KLF12: variants seen among roughly 807,000 people sequenced by gnomAD.
KLF12 encodes the protein Krueppel-like factor 12.
A neutral mutation model predicts 37.8 loss-of-function variants in KLF12; 9 were observed. The observed-to-expected ratio is 0.24, with a 90% CI of 0.14 to 0.42. The LOEUF is 0.42. KLF12 is among the 10% of genes least tolerant of loss of function. The pLI is 1.00. For synonymous variants in KLF12, 208 were observed against 202.1 expected, an observed-to-expected ratio of 1.03 and a Z score of -0.25; for missense variants, 411 against 516.0, an observed-to-expected ratio of 0.80 and a Z score of 1.97.
At chr13:74,241,365 T>C in the KLF12 span, among the ~76,000 whole-genome samples, 5 of 152,284 alleles carry the variant, frequency 3.3e-5, no homozygotes, top group Middle Eastern at 3.4e-3. Flanking sequence ...GACAGGGACA[T>C]TTAAGTCTGC....
At chr13:73,801,410 T>C (rs1038088188) in intron 5 of KLF12, 9 of 152,140 alleles carry the variant, frequency 5.9e-5, no homozygotes, top group African/African-American at 1.7e-4. Flanking sequence ...TCACTGGCTA[T>C]ATTAATAAAT....
At chr13:73,965,154 T>C (rs112585890) in intron 2 of KLF12, among the ~76,000 whole-genome samples, 255 of 152,024 alleles carry the variant, frequency 1.7e-3, no homozygotes, top group African/African-American at 5.4e-3. Context: ...TAGGATCCAA[T>C]GCCCTCAACA....
chr13:74,223,781 C>A, the KLF12 span, among the ~76,000 whole-genome samples: 1 of 152,154 alleles, frequency 6.6e-6, no homozygotes, highest in Non-Finnish European at 1.5e-5. Flanking sequence ...GCTGCTGGCT[C>A]TGCTGTAATG....
At chr13:74,171,610 A>G in the KLF12 span, among the ~76,000 whole-genome samples, 2 of 152,198 alleles carry the variant, frequency 1.3e-5, no homozygotes, top group Non-Finnish European at 2.9e-5. Flanking sequence ...TAAAAAGTCA[A>G]TGTATTATTT....
At chr13:74,052,245 G>C (rs1221585909) in intron 1 of KLF12, among the ~76,000 whole-genome samples, 1 of 152,020 alleles carries the variant, frequency 6.6e-6, no homozygotes, top group Non-Finnish European at 1.5e-5. Context: ...AGCTCCATGT[G>C]CCCATCATTT....
chr13:74,073,380 T>C (rs142193349), intron 1 of KLF12, among the ~76,000 whole-genome samples: 72 of 152,344 alleles, frequency 4.7e-4, no homozygotes, highest in African/African-American at 1.7e-3. Flanking sequence ...TGTTGACCTT[T>C]GTACTTCCGT....
chr13:73,916,393 G>A (rs1192474195), intron 3 of KLF12, among the ~76,000 whole-genome samples: 1 of 152,116 alleles, frequency 6.6e-6, no homozygotes, highest in Non-Finnish European at 1.5e-5. Flanking sequence ...AAGAACCAGA[G>A]CTATCAAACA....
At chr13:73,816,251 G>A (rs1486304568) in intron 4 of KLF12, among the ~76,000 whole-genome samples, 1 of 152,134 alleles carries the variant, frequency 6.6e-6, no homozygotes, top group East Asian at 1.9e-4. Context: ...GCCCATTTAG[G>A]AAGGACTGAT....
chr13:74,051,012 C>T (rs889731335), intron 1 of KLF12, among the ~76,000 whole-genome samples: 2 of 152,078 alleles, frequency 1.3e-5, no homozygotes, highest in East Asian at 1.9e-4. Flanking sequence ...GTTAGAATGG[C>T]CATTATCAAA....
intron 7 of KLF12, among the ~76,000 whole-genome samples, chr13:73,701,438 T>A (rs1874546424): frequency 6.6e-6 from 1 of 152,236 alleles, no homozygotes; most frequent in African/African-American, 2.4e-5. Flanking sequence ...TTGCTTCTTT[T>A]GTCTAACTCA....
intron 4 of KLF12, among the ~76,000 whole-genome samples, chr13:73,824,981 A>G (rs912714212): frequency 9.2e-5 from 14 of 152,044 alleles, no homozygotes; most frequent in Non-Finnish European, 1.9e-4. Flanking sequence ...AAGTAGGAGA[A>G]TCGCTTGAAC....
rs1466052144 is a variant in KLF12, at chr13:73,779,477, G to A, written c.807-14477C>T. Among the ~76,000 whole-genome samples the A allele has an allele frequency of 2.6e-5, 4 of 152,336 alleles. No homozygotes were observed. The East Asian group carries it at 7.7e-4, about 29-fold the overall frequency. ...CATCCATGTGCTGGGAGGATGGAGTGCCTGGAGAGGACATGGAAACTCAGG... is the reference window on the plus strand; with the variant it reads ...CATCCATGTGCTGGGAGGATGGAGTACCTGGAGAGGACATGGAAACTCAGG... On this transcript the variant is annotated intron_variant, in intron 5 of 7. Coordinates refer to ENST00000377669, the MANE Select transcript of KLF12 (RefSeq NM_007249.5).
intron 5 of KLF12, among the ~76,000 whole-genome samples, chr13:73,775,436 C>G (rs957515679): frequency 1.8e-4 from 28 of 152,080 alleles, no homozygotes; most frequent in Non-Finnish European, 3.8e-4. Flanking sequence ...GAAATACAAC[C>G]TATATCATGG....
chr13:73,796,383 CTAA>C (rs1207119753), intron 5 of KLF12, among the ~76,000 whole-genome samples: 3 of 25,426 alleles, frequency 1.2e-4, no homozygotes, highest in Admixed American at 2.9e-4. Context: ...TTTCCCTCAA[CTAA>C]CTAAACAGGC....
intron 1 of KLF12, among the ~76,000 whole-genome samples, chr13:74,041,719 CA>C (rs1893406947): frequency 6.7e-6 from 1 of 150,006 alleles, no homozygotes; most frequent in African/African-American, 2.5e-5. Flanking sequence ...CACACACACA[CA>C]CACACACACA....
rs1356147984 is a variant in KLF12 at position 73,688,895 on chromosome 13, T to C, written c.*6595A>G. The C allele has an allele frequency of 2.0e-5, 3 of 152,212 alleles. No homozygotes were observed. Among genetic ancestry groups the C allele is most frequent in the Admixed American group, 6.5e-5 (1 of 15,278 alleles). The allele number at this position is 152,212 out of a possible 1,614,324, so 9.4% of individuals were successfully genotyped here. ...TACAGGCAGACCTCCAGGTCAGAGATAGGCGGTTTCACTTTCCTACTCTGC... is the reference window on the plus strand; with the variant it reads ...TACAGGCAGACCTCCAGGTCAGAGACAGGCGGTTTCACTTTCCTACTCTGC... On this transcript the variant is annotated 3_prime_UTR_variant, in exon 8 of 8. Transcript: ENST00000377669.
At chr13:73,792,850 A>G (rs1468020132) in intron 5 of KLF12, among the ~76,000 whole-genome samples, 1 of 152,220 alleles carries the variant, frequency 6.6e-6, no homozygotes, top group Non-Finnish European at 1.5e-5. Flanking sequence ...TAAAAATTAG[A>G]ACCAAAATGA....
At chr13:73,928,384 T>TA (rs1185351572) in intron 3 of KLF12, among the ~76,000 whole-genome samples, 1 of 152,242 alleles carries the variant, frequency 6.6e-6, no homozygotes, top group Non-Finnish European at 1.5e-5. Context: ...GTGACCACAA[T>TA]ACTCTATTCC....
intron 1 of KLF12, among the ~76,000 whole-genome samples, chr13:74,026,692 T>C (rs980538877): frequency 6.6e-6 from 1 of 152,220 alleles, no homozygotes; most frequent in Non-Finnish European, 1.5e-5. Context: ...ATCATTCACC[T>C]TGATTTCTAT....
Sources: allele counts gnomAD v4.1 joint callset (sites outside exome capture counted in the v4.1 genomes callset), GRCh38; gene constraint gnomAD v4.1.1; transcripts MANE v1.5; gene names NCBI Gene and HGNC (gene_info 2026-07-23, HGNC 2026-07-21).